Variants in DDI2 observed in about 807,000 individuals in gnomAD.
DDI2 encodes protein DDI1 homolog 2.
DDI2 carries 5 observed loss-of-function variants against 48.1 expected under a neutral mutation model. The ratio of observed to expected loss-of-function variants is 0.10; its 90% CI spans 0.05 to 0.22. The LOEUF (loss-of-function observed/expected upper bound fraction) is 0.22. Ranked by LOEUF, DDI2 falls within the 10% of genes least tolerant of loss-of-function variation. The pLI is 1.00. For missense variants in DDI2, 285 were observed against 506.2 expected, an observed-to-expected ratio of 0.56 and a Z score of 4.19; for synonymous variants, 205 against 183.6, an observed-to-expected ratio of 1.12 and a Z score of -0.94.
intron 2 of DDI2, 98 bp downstream of exon 2, chr1:15,626,896 CAGAATACAGATCCTGA>C: frequency 7.0e-7 from 1 of 1,431,586 alleles, no homozygotes; most frequent in South Asian, 1.2e-5. Context: ...ATTCAGACTA[CAGAATACAGATCCTGA>C]CTCTGCCTTT....
chr1:15,631,992 G>C (rs984061538), intron 3 of DDI2, among the ~76,000 whole-genome samples: 46 of 151,888 alleles, frequency 3.0e-4, no homozygotes, highest in African/African-American at 1.1e-3. Context: ...TATTAGTAGA[G>C]ATTGGGTTTC....
chr1:15,622,071 TTA>T (rs1639674882), intron 1 of DDI2, among the ~76,000 whole-genome samples: 1 of 152,162 alleles, frequency 6.6e-6, no homozygotes, highest in Admixed American at 6.6e-5. Context: ...GGTCCTTATT[TTA>T]TCTTTATTCT....
intron 1 of DDI2, among the ~76,000 whole-genome samples, chr1:15,626,248 G>A (rs1639751970): frequency 6.6e-6 from 1 of 152,032 alleles, no homozygotes; most frequent in African/African-American, 2.4e-5. Context: ...ACATTTAATG[G>A]GGCAGAAGGA....
At chr1:15,657,448 A>G (rs936981708) in intron 9 of DDI2, among the ~76,000 whole-genome samples, 1 of 152,224 alleles carries the variant, frequency 6.6e-6, no homozygotes, top group Admixed American at 6.5e-5. Context: ...AAGCAGGCAT[A>G]GTTGAATTAT....
intron 5 of DDI2, among the ~76,000 whole-genome samples, chr1:15,642,939 C>T (rs1640033002): frequency 6.6e-6 from 1 of 152,114 alleles, no homozygotes; most frequent in Admixed American, 6.5e-5. Context: ...TGGTGGTGGG[C>T]AACTGTAGTC....
At chr1:15,618,326 A>C (rs1412231279) in intron 1 of DDI2, among the ~76,000 whole-genome samples, 1 of 145,022 alleles carries the variant, frequency 6.9e-6, no homozygotes, top group African/African-American at 2.6e-5. Context: ...ACAGATTTGC[A>C]CTTCCGGTGA....
intron 6 of DDI2, among the ~76,000 whole-genome samples, 192 bp from the exon 7 acceptor site, chr1:15,649,528 A>G (rs1002442123): frequency 5.9e-5 from 9 of 151,748 alleles, no homozygotes; most frequent in Non-Finnish European, 1.5e-5. Context: ...AAAATTAGCC[A>G]GGCGTGGTGG....
rs1640491315 is a variant in DDI2 at position 15,668,989 on chromosome 1, A to C, written c.*9199A>C. ...TTTTTTAAATAGGAACTTTCTGAAG[A>C]AAAAGTGGTGTGTAAAACATTTGAT... On this transcript the variant is annotated 3_prime_UTR_variant, in exon 10 of 10. Transcript: ENST00000480945. 6.6e-6 allele frequency: 1 copy of C among 152,224 alleles called. No individual in the cohort carries two copies. The allele number at this position is 152,224 out of a possible 1,614,324, so 9.4% of individuals were successfully genotyped here.
At chr1:15,622,889 C>T (rs933350319) in intron 1 of DDI2, among the ~76,000 whole-genome samples, 1 of 152,178 alleles carries the variant, frequency 6.6e-6, no homozygotes, top group Non-Finnish European at 1.5e-5. Flanking sequence ...TAAAATGGAG[C>T]ACAGCTGCTG....
chr1:15,633,828 A>G (rs1639885090), intron 4 of DDI2: 1 of 486,580 alleles, frequency 2.1e-6, no homozygotes, highest in African/African-American at 2.0e-5. Flanking sequence ...ACAGAGCATC[A>G]TAACACAGCT....
intron 5 of DDI2, among the ~76,000 whole-genome samples, chr1:15,640,403 G>A (rs773997252): frequency 1.3e-5 from 2 of 152,182 alleles, no homozygotes; most frequent in South Asian, 4.1e-4. Flanking sequence ...TTACACATAA[G>A]GAAACTTAGA....
intron 4 of DDI2, among the ~76,000 whole-genome samples, chr1:15,634,613 G>C (rs999759766): frequency 7.7e-6 from 1 of 130,178 alleles, no homozygotes; most frequent in African/African-American, 3.0e-5. Flanking sequence ...GCTCATTGCA[G>C]CCTGGACCTC....
chr1:15,623,630 T>G (rs1196347228), intron 1 of DDI2, among the ~76,000 whole-genome samples: 3 of 151,810 alleles, frequency 2.0e-5, no homozygotes, highest in Admixed American at 2.0e-4. Flanking sequence ...TTTGCATTCC[T>G]GGCCTCAAAT....
Position 15,665,262 on chromosome 1 carries a change from C to CAAAAAAAAAAA in DDI2, c.*5480_*5490dup, listed in dbSNP as rs1220947128. 1.0e-5 allele frequency: 1 copy of CAAAAAAAAAAA among 95,904 alleles called. No individual in the cohort carries two copies. Among genetic ancestry groups the CAAAAAAAAAAA allele is most frequent in the Non-Finnish European group, 2.2e-5 (1 of 46,206 alleles). 5.9% of individuals were successfully genotyped at this position (95,904 alleles called of 1,614,324 possible). ...GGGCAACAAGAGCAAAACTCTGTCT[C>CAAAAAAAAAAA]AAAAAAAAAAAAAAAAAAGGTAACC... On this transcript the variant is annotated 3_prime_UTR_variant, in exon 10 of 10. Coordinates refer to ENST00000480945, the MANE Select transcript of DDI2 (RefSeq NM_032341.5).
chr1:15,631,517 A>G (rs1161134174), intron 3 of DDI2, among the ~76,000 whole-genome samples: 1 of 152,216 alleles, frequency 6.6e-6, no homozygotes, highest in African/African-American at 2.4e-5. Context: ...AACATAACAG[A>G]CACTTAATGA....
At chr1:15,659,565 C>G (rs1160474329) in intron 9 of DDI2, among the ~76,000 whole-genome samples, 1 of 152,140 alleles carries the variant, frequency 6.6e-6, no homozygotes, top group African/African-American at 2.4e-5. Context: ...GCACTAACCC[C>G]GCCATTATGT....
chr1:15,626,832 G>A (rs752806866), intron 2 of DDI2, 34 bp downstream of exon 2: 1 of 1,613,894 alleles, frequency 6.2e-7, no homozygotes, highest in Non-Finnish European at 8.5e-7. Flanking sequence ...TCCCCCAGCA[G>A]AACCATCAGC....
intron 8 of DDI2, among the ~76,000 whole-genome samples, chr1:15,654,717 T>C (rs988492661): frequency 6.6e-6 from 1 of 151,896 alleles, no homozygotes; most frequent in Non-Finnish European, 1.5e-5. Flanking sequence ...AGTTTTTATA[T>C]TAACTACAGT....
At chr1:15,651,920 A>G (rs1164008774) in intron 8 of DDI2, 25 bp downstream of exon 8, 1 of 1,603,604 alleles carries the variant, frequency 6.2e-7, no homozygotes. Flanking sequence ...CAAACTCTTC[A>G]ATACTTGTTA....
Sources: allele counts gnomAD v4.1 joint callset (sites outside exome capture counted in the v4.1 genomes callset), GRCh38; gene constraint gnomAD v4.1.1; transcripts MANE v1.5; gene names NCBI Gene and HGNC (gene_info 2026-07-23, HGNC 2026-07-21).